The following CIC variants were observed in gnomAD, a reference collection of about 807,000 sequenced individuals.
CIC encodes the protein protein capicua homolog.
In CIC, 18 loss-of-function variants were observed where a neutral mutation model predicts 115.7. The observed-to-expected ratio is 0.16, with a 90% CI of 0.11 to 0.23. The LOEUF (loss-of-function observed/expected upper bound fraction) is 0.23. Ranked by LOEUF, CIC falls within the 10% of genes least tolerant of loss-of-function variation. The pLI, the probability that CIC is intolerant of heterozygous loss-of-function variation, is 1.00. For synonymous variants in CIC, 1,076 were observed against 923.0 expected (o/e 1.17, Z -3.01); for missense variants, 2,000 against 2,159.3 (o/e 0.93, Z 1.46).
At chr19:42,284,349 C>CCCGCCTGCA in intron 2 of CIC, 1 of 147,190 alleles carries the variant, frequency 6.8e-6, no homozygotes, top group Non-Finnish European at 1.5e-5. Flanking sequence ...CCCCGCCTGC[C>CCCGCCTGCA]CCGCCCGCCG....
In CIC at chr19:42,295,380, A is replaced by G. The variant is rs2038445517; in HGVS notation, c.*189A>G. On this transcript the variant is annotated 3_prime_UTR_variant, in exon 21 of 21. Coordinates refer to ENST00000681038, the MANE Select transcript of CIC (RefSeq NM_001386298.1). Reference sequence around the variant, plus strand: ...CCCTCCCGGTGCTGGGGGGCAGCTGAGGGGCTGCAGGGGCAGTCTCCCTCC... The same window carrying G: ...CCCTCCCGGTGCTGGGGGGCAGCTGGGGGGCTGCAGGGGCAGTCTCCCTCC... 1 of 590,442 alleles carries G rather than the reference A, an allele frequency of 1.7e-6. No homozygotes were observed. Among genetic ancestry groups the G allele is most frequent in the Non-Finnish European group, 3.0e-6 (1 of 334,546 alleles). 36.6% of individuals were successfully genotyped at this position (590,442 alleles called of 1,614,324 possible).
intron 2 of CIC, chr19:42,284,143 G>A (rs1381866888): frequency 6.7e-6 from 1 of 148,412 alleles, no homozygotes; most frequent in East Asian, 2.0e-4. Flanking sequence ...TGCCCGCCCG[G>A]GGCCGGAGGT....
At position 42,295,550 on chromosome 19, in the gene CIC, C is replaced by T; in HGVS notation, c.*359C>T. On this transcript the variant is annotated 3_prime_UTR_variant, in exon 21 of 21. Transcript: ENST00000681038. ...GCCTGTGGAATAGGGGGAGTTCATG[C>T]ACCCCTTTTTTCCCCAGAGGGGCTG... 1 of 270,114 alleles carries T rather than the reference C, an allele frequency of 3.7e-6. No homozygotes were observed. The highest frequency in any genetic ancestry group is 5.8e-5 in the East Asian group (1 of 17,388). The allele number at this position is 270,114 out of a possible 1,614,324, so 16.7% of individuals were successfully genotyped here.
chr19:42,286,859 C>T lies in CIC; in HGVS notation c.2883C>T (p.Ser961=), dbSNP rs754335191. 51 of 1,613,674 alleles carry T rather than the reference C, an allele frequency of 3.2e-5. No individual in the cohort carries two copies. Among genetic ancestry groups the T allele is most frequent in the East Asian group, 1.8e-4 (8 of 44,864 alleles). ...TGGCACCCAGCCAGCCTGACCCCTC[C>T]GTGCAGCCGAGCGAGGCCCAGCAAC... is the stretch of plus-strand genomic sequence containing the variant. ...PFLAPSQPDP[S]VQPSEAQQPA... The change falls in exon 3 of 21, where the codon TCC becomes TCT. Residue 961 remains serine, a synonymous_variant. Coordinates refer to ENST00000681038, the MANE Select transcript of CIC (RefSeq NM_001386298.1).
In CIC at chr19:42,291,370, C is replaced by A; in HGVS notation, c.5329C>A (p.Pro1777Thr). The A allele has an allele frequency of 6.2e-7, 1 of 1,612,568 alleles. No homozygotes were observed. Among genetic ancestry groups the A allele is most frequent in the Non-Finnish European group, 8.5e-7 (1 of 1,179,746 alleles). Residue 1777 changes from proline to threonine, a missense_variant, in exon 11 of 21, where the codon CCG (proline) becomes ACG (threonine). Around this residue, in one of 8 missense-constraint regions of CIC, gnomAD observed 1,466 missense variants for 1,390.4 expected, o/e 1.05. Transcript: ENST00000681038. ...CACCAGCATCCGTTTCACCCTCCCA[C>A]CGGGCACTTCCACCAACGGCAAAGT... The part of the protein sequence containing the change: ...PTTSIRFTLP[P>T]GTSTNGKVLA...
At chr19:42,274,982 TCATAGAG>T (rs1462881448) in intron 2 of CIC, among the ~76,000 whole-genome samples, 1 of 152,180 alleles carries the variant, frequency 6.6e-6, no homozygotes, top group Non-Finnish European at 1.5e-5. Context: ...CACATCCACC[TCATAGAG>T]CACTTACCAC....
In CIC at chr19:42,273,406, C is replaced by G. The variant is rs910651694; in HGVS notation, c.1623C>G (p.Gly541=). ...EMEGLADSGP[G]GAGRPAAVAA... ...AAGGCCTGGCAGACAGTGGGCCTGGCGGGGCGGGCCGGCCCGCGGCCGTGG... is the reference window on the plus strand; with the variant it reads ...AAGGCCTGGCAGACAGTGGGCCTGGGGGGGCGGGCCGGCCCGCGGCCGTGG... The change falls in exon 2 of 21, where the codon GGC becomes GGG. Residue 541 remains glycine (G), a synonymous_variant. Transcript: ENST00000681038. 1 of 398,172 alleles carries G rather than the reference C, an allele frequency of 2.5e-6. No individual in the cohort carries two copies. Among genetic ancestry groups the G allele is most frequent in the African/African-American group, 2.1e-5 (1 of 48,576 alleles). The allele number at this position is 398,172 out of a possible 1,614,324, so 24.7% of individuals were successfully genotyped here. A position where few individuals can be genotyped will look rare whatever the true frequency, so the allele number is the denominator to read the frequency against.
chr19:42,291,935 C>A, intron 12 of CIC, 151 bp from the exon 13 acceptor site: 1 of 1,309,284 alleles, frequency 7.6e-7, no homozygotes, highest in Non-Finnish European at 1.1e-6. Context: ...TCTCTGTGTC[C>A]CCACCTCTCA....
Position 42,291,251 on chromosome 19 carries a change from T to G in CIC, c.5210T>G (p.Ile1737Ser). The change falls in exon 11 of 21, where the codon ATC (isoleucine) becomes AGC (serine). Residue 1737 changes from isoleucine to serine, a missense_variant. Around this residue, in one of 8 missense-constraint regions of CIC, gnomAD observed 1,466 missense variants for 1,390.4 expected, o/e 1.05. Transcript: ENST00000681038. ...KAGGITQVQYILPTLPQQLQV... is the reference protein window; with the variant it reads ...KAGGITQVQYSLPTLPQQLQV... ...GGGGGAATCACCCAGGTACAGTACATCCTGCCCACGCTGCCCCAGCAGCTT... is the reference window on the plus strand; with the variant it reads ...GGGGGAATCACCCAGGTACAGTACAGCCTGCCCACGCTGCCCCAGCAGCTT... 6.2e-7 allele frequency: 1 copy of G among 1,612,252 alleles called. No homozygotes were observed. The highest frequency in any genetic ancestry group is 8.5e-7 in the Non-Finnish European group (1 of 1,179,670).
At chr19:42,289,988 C>G (rs768660183) in intron 10 of CIC, 37 bp downstream of exon 10, 1 of 1,516,198 alleles carries the variant, frequency 6.6e-7, no homozygotes. Context: ...CCATCACACT[C>G]CCTCCTAAGC....
At chr19:42,289,803 C>T (rs1182268081) in intron 9 of CIC, 45 bp from the exon 10 acceptor site, 1 of 1,472,348 alleles carries the variant, frequency 6.8e-7, no homozygotes, top group African/African-American at 1.4e-5. Context: ...CCTGGGTCCC[C>T]CTGCATCTAG....
chr19:42,276,596 C>T (rs2036987264), intron 2 of CIC, among the ~76,000 whole-genome samples: 1 of 152,180 alleles, frequency 6.6e-6, no homozygotes, highest in Admixed American at 6.5e-5. Context: ...CCCTGATGTT[C>T]ATATACAGAA....
At chr19:42,286,706 A>G in intron 2 of CIC, 65 bp from the exon 3 acceptor site, 4 of 1,597,432 alleles carry the variant, frequency 2.5e-6, no homozygotes, top group Non-Finnish European at 3.4e-6. Context: ...AGGGTGGGGA[A>G]GAGCTTGAGT....
chr19:42,285,000 C>T lies in CIC; in HGVS notation c.2795-1771C>T, dbSNP rs988118968. On this transcript the variant is annotated intron_variant, in intron 2 of 20. Transcript: ENST00000681038. ...CTGTGATGTTAAAGTGATGGGATGG[C>T]ACAGGTCCGCTGTAATAGAAAGGTG... Among the ~76,000 whole-genome samples, 6 of 152,120 alleles carry T rather than the reference C, an allele frequency of 3.9e-5. No individual in the cohort carries two copies. In the South Asian group the frequency reaches 1.0e-3, roughly 26 times the overall value.
At chr19:42,285,785 A>C (rs2037595732) in intron 2 of CIC, among the ~76,000 whole-genome samples, 1 of 152,232 alleles carries the variant, frequency 6.6e-6, no homozygotes, top group African/African-American at 2.4e-5. Context: ...CCGCCCCAAA[A>C]GTCCAGCCAG....
At chr19:42,291,937 C>T (rs2038151051) in intron 12 of CIC, 149 bp from the exon 13 acceptor site, 3 of 1,314,828 alleles carry the variant, frequency 2.3e-6, no homozygotes, top group South Asian at 2.4e-5. Context: ...TCTGTGTCCC[C>T]ACCTCTCACT....
At chr19:42,276,360 A>G (rs1568489645) in intron 2 of CIC, among the ~76,000 whole-genome samples, 2 of 152,188 alleles carry the variant, frequency 1.3e-5, no homozygotes, top group Non-Finnish European at 2.9e-5. Context: ...TTTTGAGCAG[A>G]TTCAACCACT....
At position 42,295,270 on chromosome 19, in the gene CIC, C is replaced by A; in HGVS notation, c.*79C>A. 1 of 1,305,262 alleles carries A rather than the reference C, an allele frequency of 7.7e-7. No individual in the cohort carries two copies. The highest frequency in any genetic ancestry group is 1.1e-6 in the Non-Finnish European group (1 of 944,632). The allele number at this position is 1,305,262 out of a possible 1,614,324, so 80.9% of individuals were successfully genotyped here. A position where few individuals can be genotyped will look rare whatever the true frequency, so the allele number is the denominator to read the frequency against. ...TATGTGGGGGCAGGAAGGTTATCTCCTCCCGGGTAAAGCCATTTCGTCCTC... is the reference window on the plus strand; with the variant it reads ...TATGTGGGGGCAGGAAGGTTATCTCATCCCGGGTAAAGCCATTTCGTCCTC... On this transcript the variant is annotated 3_prime_UTR_variant, in exon 21 of 21. Transcript: ENST00000681038.
chr19:42,278,889 C>A (rs1293606928), intron 2 of CIC, among the ~76,000 whole-genome samples: 1 of 152,244 alleles, frequency 6.6e-6, no homozygotes, highest in Non-Finnish European at 1.5e-5. Context: ...ACCATCCAAG[C>A]ACCTGTTCCC....
Sources: allele counts gnomAD v4.1 joint callset (sites outside exome capture counted in the v4.1 genomes callset), GRCh38; gene constraint gnomAD v4.1.1; regional missense constraint gnomAD v4.1.1; transcripts MANE v1.5; gene names NCBI Gene and HGNC (gene_info 2026-07-23, HGNC 2026-07-21).